FOCAD: variants seen among roughly 807,000 people sequenced by gnomAD.
FOCAD encodes KIAA1797.
In FOCAD, 198 loss-of-function variants were observed where a neutral mutation model predicts 225.6. The ratio of observed to expected loss-of-function variants is 0.88; its 90% CI spans 0.78 to 0.99. The LOEUF (loss-of-function observed/expected upper bound fraction) is 0.99, where lower values mean the gene tolerates loss of function less well. FOCAD is among the 50% of genes least tolerant of loss of function. The pLI is 0.00. For missense variants in FOCAD, 2,713 were observed against 2,123.6 expected, an observed-to-expected ratio of 1.28 and a Z score of -5.46; for synonymous variants, 897 against 755.0, an observed-to-expected ratio of 1.19 and a Z score of -3.08.
At chr9:20,965,708 C>G (rs1047632958) in intron 35 of FOCAD, among the ~76,000 whole-genome samples, 16 of 152,202 alleles carry the variant, frequency 1.1e-4, no homozygotes, top group African/African-American at 3.6e-4. Flanking sequence ...TTTCCAAGAT[C>G]CTAGCAACCA....
chr9:20,902,439 T>A (rs1442584985), intron 21 of FOCAD, among the ~76,000 whole-genome samples: 1 of 151,842 alleles, frequency 6.6e-6, no homozygotes, highest in East Asian at 1.9e-4. Flanking sequence ...AGACATCAGG[T>A]GGAGAAATTG....
intron 17 of FOCAD, among the ~76,000 whole-genome samples, chr9:20,866,320 T>C (rs1264137096): frequency 6.6e-6 from 1 of 152,018 alleles, no homozygotes; most frequent in Non-Finnish European, 1.5e-5. Context: ...GTCCAGTCCA[T>C]TTTTTAGATG....
At chr9:20,791,237 TCACACA>T (rs10652100) in intron 11 of FOCAD, among the ~76,000 whole-genome samples, 44 of 148,592 alleles carry the variant, frequency 3.0e-4, no homozygotes, top group African/African-American at 7.7e-4. Flanking sequence ...ACACACACAC[TCACACA>T]CACACACACA....
At chr9:20,916,195 A>C (rs1024001195) in intron 23 of FOCAD, among the ~76,000 whole-genome samples, 2 of 152,222 alleles carry the variant, frequency 1.3e-5, no homozygotes, top group Non-Finnish European at 2.9e-5. Context: ...GTTTATATTG[A>C]AAATGATCCT....
At chr9:20,855,842 T>C (rs901122178) in intron 15 of FOCAD, among the ~76,000 whole-genome samples, 2 of 150,616 alleles carry the variant, frequency 1.3e-5, no homozygotes, top group Non-Finnish European at 3.0e-5. Flanking sequence ...ACATGAAACA[T>C]TTGTCTTTCT....
intron 4 of FOCAD, among the ~76,000 whole-genome samples, chr9:20,731,511 A>C (rs549467631): frequency 6.6e-6 from 1 of 152,332 alleles, no homozygotes; most frequent in South Asian, 2.1e-4. Context: ...TGCATCTATA[A>C]AGTTATGTAA....
At chr9:20,763,184 A>G (rs1039440141) in intron 6 of FOCAD, among the ~76,000 whole-genome samples, 13 of 152,242 alleles carry the variant, frequency 8.5e-5, no homozygotes, top group Non-Finnish European at 4.4e-5. Context: ...ACTTAGTGTA[A>G]CTGAATTAAT....
chr9:20,787,427 G>A (rs1302562639), intron 10 of FOCAD, among the ~76,000 whole-genome samples: 1 of 152,106 alleles, frequency 6.6e-6, no homozygotes, highest in South Asian at 2.1e-4. Context: ...CATAATGGCT[G>A]ATAGCTGGCA....
intron 5 of FOCAD, among the ~76,000 whole-genome samples, chr9:20,755,386 C>T (rs1012870909): frequency 1.3e-5 from 2 of 152,182 alleles, no homozygotes; most frequent in East Asian, 1.9e-4. Flanking sequence ...TGGAGTGGCT[C>T]CCTCGGTATG....
At position 20,986,283 on chromosome 9, in the gene FOCAD, T is replaced by TTTTTTTTTTTTTTTTTTTTTTTTTGA; in HGVS notation, c.4729-5_4729-4insTTTTTTTTTTTTTTTTTTTTTTTTGA. ...ACTAAACAATTTTTTTTTTTTTTTT[T>TTTTTTTTTTTTTTTTTTTTTTTTTGA]GCAGAGCAACATAGAAAAAGCTGCC... On this transcript the variant is annotated splice_polypyrimidine_tract_variant and splice_region_variant and intron_variant, in intron 39 of 43. Coordinates refer to ENST00000338382, the MANE Select transcript of FOCAD (RefSeq NM_001375567.1). 11 of 1,476,866 alleles carry TTTTTTTTTTTTTTTTTTTTTTTTTGA rather than the reference T, an allele frequency of 7.4e-6. No individual in the cohort carries two copies. Among genetic ancestry groups the TTTTTTTTTTTTTTTTTTTTTTTTTGA allele is most frequent in the Non-Finnish European group, 7.2e-6 (8 of 1,113,540 alleles). The allele number at this position is 1,476,866 out of a possible 1,614,324, so 91.5% of individuals were successfully genotyped here.
chr9:20,825,373 T>C (rs1018593932), intron 15 of FOCAD, among the ~76,000 whole-genome samples: 4 of 152,090 alleles, frequency 2.6e-5, no homozygotes, highest in Non-Finnish European at 5.9e-5. Context: ...TTCTAATTGA[T>C]ATCATGTGTG....
chr9:20,912,524 T>C (rs1323206904), intron 22 of FOCAD, among the ~76,000 whole-genome samples: 1 of 152,136 alleles, frequency 6.6e-6, no homozygotes, highest in Non-Finnish European at 1.5e-5. Context: ...TGGTGTTAGC[T>C]AAAATTATCA....
intron 23 of FOCAD, among the ~76,000 whole-genome samples, chr9:20,916,268 G>A (rs1219457907): frequency 6.6e-6 from 1 of 152,042 alleles, no homozygotes; most frequent in East Asian, 1.9e-4. Flanking sequence ...ATTCTATATT[G>A]AATTAAAAAT....
intron 16 of FOCAD, 91 bp downstream of exon 16, chr9:20,862,803 G>A: frequency 7.3e-7 from 1 of 1,379,222 alleles, no homozygotes. Flanking sequence ...CTAATCTGTT[G>A]TTGTTGTTGT....
chr9:20,940,439 C>T (rs1237435125), intron 28 of FOCAD, among the ~76,000 whole-genome samples: 1 of 152,028 alleles, frequency 6.6e-6, no homozygotes, highest in Non-Finnish European at 1.5e-5. Context: ...CATATGCAAC[C>T]ATGCTTGACT....
intron 18 of FOCAD, among the ~76,000 whole-genome samples, chr9:20,873,611 C>A (rs1343501577): frequency 2.6e-5 from 4 of 152,090 alleles, no homozygotes; most frequent in Non-Finnish European, 5.9e-5. Flanking sequence ...AGTCAGGTTG[C>A]TTTCACTTCT....
chr9:20,939,953 C>G (rs1410722279), intron 28 of FOCAD, among the ~76,000 whole-genome samples: 1 of 149,804 alleles, frequency 6.7e-6, no homozygotes, highest in Non-Finnish European at 1.5e-5. Context: ...CACCCTGTGT[C>G]CAAGTGTTCT....
rs1824123573 is a variant in FOCAD, at chr9:20,819,818, T to C, written c.1478T>C (p.Leu493Ser). Reference sequence around the variant, plus strand: ...TAGGTGCCAAATCTGATTCCAGTTTTGATGTTCAAATTGGGAAGACCACTG... The same window carrying C: ...TAGGTGCCAAATCTGATTCCAGTTTCGATGTTCAAATTGGGAAGACCACTG... ...SSQVPNLIPVLMFKLGRPLEP... is the reference protein window; with the variant it reads ...SSQVPNLIPVSMFKLGRPLEP... Residue 493 changes from leucine to serine, a missense_variant, in exon 12 of 44, where the codon TTG becomes TCG. Physicochemically the swap from Leu to Ser is moderately radical, Grantham distance 145. Coordinates refer to ENST00000338382, the MANE Select transcript of FOCAD (RefSeq NM_001375567.1). The C allele has an allele frequency of 6.5e-7, 1 of 1,537,122 alleles. No individual in the cohort carries two copies. The highest frequency in any genetic ancestry group is 1.4e-5 in the African/African-American group (1 of 71,326).
intron 15 of FOCAD, among the ~76,000 whole-genome samples, chr9:20,837,116 C>T (rs1826064594): frequency 6.6e-6 from 1 of 152,208 alleles, no homozygotes; most frequent in South Asian, 2.1e-4. Flanking sequence ...GAAGTTACTA[C>T]ATTTAGGATC....
Sources: gnomAD v4.1 joint callset for allele counts (sites outside exome capture counted in the v4.1 genomes callset) on GRCh38, gnomAD v4.1.1 for gene constraint, MANE v1.5 for transcripts, NCBI Gene and HGNC (gene_info 2026-07-23, HGNC 2026-07-21) for gene names.